Variants in STX12 observed in about 807,000 individuals in gnomAD.
STX12 encodes the protein syntaxin-12.
Under a neutral mutation model 42.2 loss-of-function variants are expected in STX12, and 17 were observed. That is an observed-to-expected ratio of 0.40 (90% CI 0.28 to 0.60). STX12 has a LOEUF of 0.60. STX12 is among the 20% of genes least tolerant of loss of function. The pLI is 0.39. For missense variants in STX12, 297 were observed against 330.9 expected (o/e 0.90, Z 0.79); for synonymous variants, 108 against 116.7 (o/e 0.93, Z 0.48).
chr1:27,773,831 T>C, intron 1 of STX12: 1 of 200,020 alleles, frequency 5.0e-6, no homozygotes, highest in Admixed American at 5.3e-5. Context: ...TTGGATGGGG[T>C]TGTTTACTGA....
intron 4 of STX12, among the ~76,000 whole-genome samples, chr1:27,804,013 A>G (rs919056653): frequency 6.6e-5 from 10 of 152,018 alleles, no homozygotes; most frequent in Admixed American, 4.6e-4. Flanking sequence ...AAAACAAAAA[A>G]CAAAACAAAA....
intron 6 of STX12, among the ~76,000 whole-genome samples, chr1:27,816,532 G>A (rs575359409): frequency 6.6e-6 from 1 of 151,392 alleles, no homozygotes; most frequent in Non-Finnish European, 1.5e-5. Context: ...GAGGCTGGGC[G>A]CGGTGGATCA....
intron 1 of STX12, 86 bp downstream of exon 1, chr1:27,773,511 G>A: frequency 7.7e-7 from 1 of 1,304,228 alleles, no homozygotes; most frequent in Non-Finnish European, 1.1e-6. Flanking sequence ...CCCGGCTGGG[G>A]CTACGGCCGA....
intron 3 of STX12, among the ~76,000 whole-genome samples, chr1:27,801,165 G>A (rs559055407): frequency 2.0e-5 from 3 of 152,286 alleles, no homozygotes; most frequent in Non-Finnish European, 4.4e-5. Context: ...TTGGGAGGCC[G>A]AGGCGGGCAG....
chr1:27,820,600 AT>A (rs1422959883), intron 8 of STX12, among the ~76,000 whole-genome samples: 1 of 152,170 alleles, frequency 6.6e-6, no homozygotes, highest in Non-Finnish European at 1.5e-5. Context: ...TATGTCCTGA[AT>A]GGTAATCAGT....
At chr1:27,818,049 C>A in intron 7 of STX12, 126 bp downstream of exon 7, 3 of 697,164 alleles carry the variant, frequency 4.3e-6, no homozygotes, top group Non-Finnish European at 7.3e-6. Context: ...ACCTGGGCAA[C>A]ATAATGAGAA....
intron 3 of STX12, among the ~76,000 whole-genome samples, chr1:27,800,046 C>T (rs964027126): frequency 6.6e-6 from 1 of 152,204 alleles, no homozygotes; most frequent in Non-Finnish European, 1.5e-5. Context: ...TGCGCTACTG[C>T]GCCCGGCCTA....
intron 4 of STX12, 166 bp from the exon 5 acceptor site, chr1:27,810,080 C>G: frequency 1.7e-6 from 1 of 595,612 alleles, no homozygotes; most frequent in Non-Finnish European, 3.0e-6. Context: ...AACCACTTTA[C>G]ACCCACTTCT....
chr1:27,784,785 G>C (rs1392465418), intron 1 of STX12, among the ~76,000 whole-genome samples: 3 of 152,146 alleles, frequency 2.0e-5, no homozygotes, highest in African/African-American at 4.8e-5. Flanking sequence ...TGATACCTGA[G>C]TCTTGCTGGA....
intron 4 of STX12, among the ~76,000 whole-genome samples, chr1:27,809,342 AAAAAG>A (rs1181420579): frequency 1.1e-4 from 16 of 152,060 alleles, no homozygotes; most frequent in East Asian, 1.9e-4. Context: ...TCAAAAAAAA[AAAAAG>A]AAAAGAAAAG....
chr1:27,794,986 G>T (rs543966190), intron 3 of STX12, among the ~76,000 whole-genome samples: 1 of 152,288 alleles, frequency 6.6e-6, no homozygotes, highest in South Asian at 2.1e-4. Context: ...GCCTTGCAAA[G>T]TACTGGGATT....
chr1:27,797,044 T>A (rs1304596832), intron 3 of STX12, among the ~76,000 whole-genome samples: 2 of 151,480 alleles, frequency 1.3e-5, no homozygotes, highest in Non-Finnish European at 2.9e-5. Flanking sequence ...TGAGACACAG[T>A]TTCACTGTGT....
Position 27,817,871 on chromosome 1 carries a change from T to C in STX12, c.597T>C (p.Asn199=), listed in dbSNP as rs1352147258. Residue 199 remains asparagine (N), a synonymous_variant, in exon 7 of 9, where the codon AAT becomes AAC. Coordinates refer to ENST00000373943, the MANE Select transcript of STX12 (RefSeq NM_177424.3). ...CTTAGGCTGACATTTTGGATGTCAA[T>C]CAGATATTTAAAGATTTGGCCATGA... ...RQLEADILDV[N]QIFKDLAMMI... 1.2e-6 allele frequency: 2 copies of C among 1,614,092 alleles called. No individual in the cohort carries two copies. The highest frequency in any genetic ancestry group is 2.2e-5 in the South Asian group (2 of 91,066).
rs1055792775 is a variant in STX12 at position 27,800,938 on chromosome 1, A to G, written c.289-740A>G. On this transcript the variant is annotated intron_variant, in intron 3 of 8. Transcript: ENST00000373943. ...CACTAAAAGCCTGTGAAATGCTTCT[A>G]TAGTTTACAGGGAAGCTGTGAATTC... Among the ~76,000 whole-genome samples the G allele has an allele frequency of 3.3e-5, 5 of 152,366 alleles. No individual in the cohort carries two copies. The East Asian group carries it at 7.7e-4, about 23-fold the overall frequency.
At chr1:27,780,353 C>T (rs1182079839) in intron 1 of STX12, among the ~76,000 whole-genome samples, 2 of 151,680 alleles carry the variant, frequency 1.3e-5, no homozygotes, top group South Asian at 2.1e-4. Flanking sequence ...GGATTACAGG[C>T]GTGCACCACA....
At chr1:27,785,757 T>C (rs2088695021) in intron 1 of STX12, among the ~76,000 whole-genome samples, 1 of 152,102 alleles carries the variant, frequency 6.6e-6, no homozygotes, top group African/African-American at 2.4e-5. Flanking sequence ...CTTGCCAGAA[T>C]GGAAAAGGGA....
chr1:27,781,530 A>G (rs1378361845), intron 1 of STX12, among the ~76,000 whole-genome samples: 5 of 152,098 alleles, frequency 3.3e-5, no homozygotes, highest in Non-Finnish European at 7.4e-5. Flanking sequence ...AATAATACCT[A>G]TTTCATAGGG....
chr1:27,814,232 G>T (rs572186635), intron 6 of STX12, among the ~76,000 whole-genome samples: 3 of 152,106 alleles, frequency 2.0e-5, no homozygotes, highest in African/African-American at 7.2e-5. Context: ...TGAATTAATT[G>T]TCTAACATTA....
At chr1:27,801,164 C>G (rs189183149) in intron 3 of STX12, among the ~76,000 whole-genome samples, 1 of 152,216 alleles carries the variant, frequency 6.6e-6, no homozygotes, top group East Asian at 1.9e-4. Context: ...TTTGGGAGGC[C>G]GAGGCGGGCA....
Sources: allele counts gnomAD v4.1 joint callset (sites outside exome capture counted in the v4.1 genomes callset), GRCh38; gene constraint gnomAD v4.1.1; transcripts MANE v1.5; gene names NCBI Gene and HGNC (gene_info 2026-07-23, HGNC 2026-07-21).